The following SPEN variants were observed in gnomAD, a reference collection of about 807,000 sequenced individuals.
The protein encoded by SPEN is msx2-interacting protein.
A neutral mutation model predicts 269.9 loss-of-function variants in SPEN; 18 were observed. That is an observed-to-expected ratio of 0.07 (90% CI 0.05 to 0.10). The LOEUF is 0.10. Ranked by LOEUF, SPEN falls within the 10% of genes least tolerant of loss-of-function variation. The probability of loss-of-function intolerance (pLI) is 1.00; values close to 1 mark genes in which losing one functional copy is unlikely to be tolerated. For synonymous variants in SPEN, 1,726 were observed against 1,765.7 expected, an observed-to-expected ratio of 0.98 and a Z score of 0.56; for missense variants, 3,822 against 4,631.2, an observed-to-expected ratio of 0.83 and a Z score of 5.07.
intron 3 of SPEN, among the ~76,000 whole-genome samples, chr1:15,903,831 G>GAAC (rs1279022992): frequency 1.3e-5 from 2 of 152,128 alleles, no homozygotes; most frequent in African/African-American, 2.4e-5. Context: ...TATTGAACAT[G>GAAC]TAATATTGTT....
At chr1:15,915,435 G>A (rs1244182639) in intron 5 of SPEN, among the ~76,000 whole-genome samples, 1 of 152,194 alleles carries the variant, frequency 6.6e-6, no homozygotes, top group Non-Finnish European at 1.5e-5. Context: ...GCTCCAGTGA[G>A]CCATGATCCT....
Position 15,864,326 on chromosome 1 carries a change from G to A in SPEN, c.84-8490G>A, listed in dbSNP as rs184792731. 2.2e-3 allele frequency among the ~76,000 whole-genome samples: 329 copies of A among 152,156 alleles called. 1 individual carries two copies. The highest frequency in any genetic ancestry group is 3.8e-3 in the Non-Finnish European group (258 of 68,000). On this transcript the variant is annotated intron_variant, in intron 1 of 14. Coordinates refer to ENST00000375759, the MANE Select transcript of SPEN (RefSeq NM_015001.3). ...TGGGACTACAGGCGCTTGCCACCAC[G>A]CCTGGCTAAGTTTTGTACTTTTAGT...
rs752765121 is a variant in SPEN at position 15,932,464 on chromosome 1, C to T, written c.6224C>T (p.Ser2075Leu). 6.2e-7 allele frequency: 1 copy of T among 1,611,956 alleles called. No individual in the cohort carries two copies. Among genetic ancestry groups the T allele is most frequent in the Non-Finnish European group, 8.5e-7 (1 of 1,179,374 alleles). ...CCGGCCCCTGAAAAAAACTCCAAAT[C>T]AAAGAGAGGAAGATCTCGAAACTCC... ...KKPAPEKNSK[S>L]KRGRSRNSRL... The change falls in exon 11 of 15, where the codon TCA becomes TTA. Residue 2075 changes from serine (S) to leucine (L), a missense_variant. Ser to Leu is a moderately radical substitution (Grantham distance 145, BLOSUM62 -2). This residue lies in a region of SPEN where 727 missense variants were observed against 737.9 expected (regional missense o/e 0.99). Transcript: ENST00000375759. The surrounding 1 kb of genome is among the most constrained non-coding windows in gnomAD (Gnocchi z 4.2).
At position 15,929,355 on chromosome 1, in the gene SPEN, C is replaced by G. The variant is rs1388484359; in HGVS notation, c.3115C>G (p.Pro1039Ala). Reference protein sequence around the residue: ...LLREGEAERKPVRKEILKRES... With the variant: ...LLREGEAERKAVRKEILKRES... Reference sequence around the variant, plus strand: ...GAGGGAAGGAGAGGCTGAAAGAAAGCCTGTGAGGAAAGAAATTCTTAAAAG... The same window carrying G: ...GAGGGAAGGAGAGGCTGAAAGAAAGGCTGTGAGGAAAGAAATTCTTAAAAG... The change falls in exon 11 of 15, where the codon CCT (proline) becomes GCT (alanine). Residue 1039 changes from proline to alanine, a missense_variant. This residue lies in a region of SPEN where 572 missense variants were observed against 582.6 expected (regional missense o/e 0.98). Transcript: ENST00000375759. The surrounding 1 kb of genome is among the most constrained non-coding windows in gnomAD (Gnocchi z 5.8). 6.2e-7 allele frequency: 1 copy of G among 1,613,082 alleles called. No individual in the cohort carries two copies. Among genetic ancestry groups the G allele is most frequent in the Admixed American group, 1.7e-5 (1 of 59,780 alleles).
intron 3 of SPEN, among the ~76,000 whole-genome samples, chr1:15,889,164 C>CT (rs56721891): frequency 0.49 from 61,055 of 124,814 alleles, 15,231 homozygotes; most frequent in South Asian, 0.58. Context: ...CTTTTCTTTT[C>CT]TTTTTTTTTT....
intron 6 of SPEN, among the ~76,000 whole-genome samples, chr1:15,916,545 C>T (rs115941412): frequency 1.7e-4 from 22 of 130,328 alleles, no homozygotes; most frequent in African/African-American, 6.0e-4. Context: ...GAGTATCACT[C>T]TGTCTCCGAG....
chr1:15,875,531 A>G (rs999182033), intron 2 of SPEN, among the ~76,000 whole-genome samples: 3 of 152,084 alleles, frequency 2.0e-5, no homozygotes, highest in African/African-American at 7.2e-5. Flanking sequence ...TGGTAACCCA[A>G]TATTTTGATA....
intron 3 of SPEN, among the ~76,000 whole-genome samples, chr1:15,886,986 G>T (rs1392366187): frequency 6.6e-6 from 1 of 152,112 alleles, no homozygotes. Context: ...ATGATTGATT[G>T]GTTGATTTTT....
Position 15,935,432 on chromosome 1 carries a change from G to C in SPEN, c.9192G>C (p.Val3064=), listed in dbSNP as rs776112191. ...TCATGCTGGCTGCAGGCATCCCAGT[G>C]CCCCAGTTCATCTCCAGCATCCACC... ...ATVMLAAGIP[V]PQFISSIHPE... The change falls in exon 11 of 15, where the codon GTG becomes GTC. Residue 3064 remains valine (V), a synonymous_variant. Coordinates refer to ENST00000375759, the MANE Select transcript of SPEN (RefSeq NM_015001.3). This position sits in a 1 kb window ranked among gnomAD's most constrained non-coding sequence, Gnocchi z 7.7. 1.2e-6 allele frequency: 2 copies of C among 1,613,946 alleles called. No homozygotes were observed. Among genetic ancestry groups the C allele is most frequent in the Non-Finnish European group, 1.7e-6 (2 of 1,180,010 alleles).
intron 10 of SPEN, among the ~76,000 whole-genome samples, chr1:15,924,172 TG>T (rs1279884001): frequency 6.6e-6 from 1 of 152,206 alleles, no homozygotes; most frequent in African/African-American, 2.4e-5. Flanking sequence ...CGTAAAATTA[TG>T]TGGCCACATG....
intron 3 of SPEN, among the ~76,000 whole-genome samples, chr1:15,891,105 AAT>A (rs1459445652): frequency 1.3e-5 from 2 of 152,208 alleles, no homozygotes; most frequent in South Asian, 4.1e-4. Context: ...GTAGCCCAGA[AAT>A]ATATGTGTGT....
chr1:15,876,638 A>AGTG lies in SPEN; in HGVS notation c.842_844dup (p.Ser281_Asp282insGly). The AGTG allele has an allele frequency of 1.2e-6, 2 of 1,613,726 alleles. No homozygotes were observed. The highest frequency in any genetic ancestry group is 1.7e-6 in the Non-Finnish European group (2 of 1,179,984). ...CGGCTCTAGAAGTAGATCCTCCAGT[A>AGTG]GTGATTCAATCAGCAGCAGCAGTAG... is the stretch of plus-strand genomic sequence containing the variant. On this transcript the variant is annotated inframe_insertion, in exon 3 of 15. Coordinates refer to ENST00000375759, the MANE Select transcript of SPEN (RefSeq NM_015001.3).
intron 5 of SPEN, 112 bp from the exon 6 acceptor site, chr1:15,916,016 C>A (rs1019471271): frequency 3.9e-6 from 5 of 1,266,108 alleles, no homozygotes; most frequent in Non-Finnish European, 5.4e-6. Flanking sequence ...TGTGAGTATT[C>A]AAGCCCATTA....
Position 15,940,387 on chromosome 1 carries a change from G to A in SPEN, c.*960G>A, listed in dbSNP as rs981192718. On this transcript the variant is annotated 3_prime_UTR_variant, in exon 15 of 15. Coordinates refer to ENST00000375759, the MANE Select transcript of SPEN (RefSeq NM_015001.3). ...CTAACACTTATTAATTTATGAAACT[G>A]TTTTTCTCAGCGCAGTTTTGTTTTG... 1 of 232,436 alleles carries A rather than the reference G, an allele frequency of 4.3e-6. No individual in the cohort carries two copies. The highest frequency in any genetic ancestry group is 2.2e-5 in the African/African-American group (1 of 45,222). 14.4% of individuals were successfully genotyped at this position (232,436 alleles called of 1,614,324 possible).
chr1:15,932,418 G>T lies in SPEN; in HGVS notation c.6178G>T (p.Val2060Phe). Residue 2060 changes from valine to phenylalanine, a missense_variant, in exon 11 of 15, where the codon GTT becomes TTT. Physicochemically the swap from Val to Phe is conservative, Grantham distance 50. This residue lies in a region of SPEN where 727 missense variants were observed against 737.9 expected (regional missense o/e 0.99). Coordinates refer to ENST00000375759, the MANE Select transcript of SPEN (RefSeq NM_015001.3). The surrounding 1 kb of genome is among the most constrained non-coding windows in gnomAD (Gnocchi z 4.2). The stretch of plus-strand genomic sequence containing the variant: ...CAAAAACCCCCCTGAAACCGCCCCT[G>T]TTGAAGTTGTAGAGAAAAAACCGGC... ...TDKNPPETAP[V>F]EVVEKKPAPE... 1.2e-6 allele frequency: 2 copies of T among 1,614,060 alleles called. No individual in the cohort carries two copies. The highest frequency in any genetic ancestry group is 1.7e-6 in the Non-Finnish European group (2 of 1,180,008).
At chr1:15,873,494 T>C (rs2070601639) in intron 2 of SPEN, 1 of 1,012,148 alleles carries the variant, frequency 9.9e-7, no homozygotes, top group African/African-American at 1.7e-5. Context: ...TTGGCTTTTG[T>C]GTTCATACTA....
intron 3 of SPEN, among the ~76,000 whole-genome samples, chr1:15,907,657 C>T (rs1199731232): frequency 6.6e-6 from 1 of 152,012 alleles, no homozygotes; most frequent in East Asian, 1.9e-4. Flanking sequence ...AAATGATTTG[C>T]TTGAAAAGTG....
At chr1:15,868,438 CTT>C (rs35701730) in intron 1 of SPEN, among the ~76,000 whole-genome samples, 2 of 141,996 alleles carry the variant, frequency 1.4e-5, no homozygotes. Flanking sequence ...TAGAATAAAA[CTT>C]TTTTTTTTTT....
At position 15,876,336 on chromosome 1, in the gene SPEN, A is replaced by T. The variant is rs760907204; in HGVS notation, c.539A>T (p.His180Leu). ...GATCCTCGAGAGCGGACTTTACAAC[A>T]TGGGCTCTATTACGCTTCTCGGAGT... The part of the protein sequence containing the change: ...YRDPRERTLQ[H>L]GLYYASRSRS... The change falls in exon 3 of 15, where the codon CAT (histidine) becomes CTT (leucine). Residue 180 changes from histidine to leucine, a missense_variant. This residue lies in a region of SPEN where 327 missense variants were observed against 350.8 expected (regional missense o/e 0.93). Transcript: ENST00000375759. The T allele has an allele frequency of 6.2e-7, 1 of 1,614,028 alleles. No individual in the cohort carries two copies. The highest frequency in any genetic ancestry group is 1.7e-5 in the Admixed American group (1 of 60,004).
Sources: gnomAD v4.1 joint callset for allele counts (sites outside exome capture counted in the v4.1 genomes callset) on GRCh38, gnomAD v4.1.1 for gene constraint, gnomAD v4.1.1 regional missense constraint, Gnocchi (gnomAD v3.1) non-coding constraint, MANE v1.5 for transcripts, NCBI Gene and HGNC (gene_info 2026-07-23, HGNC 2026-07-21) for gene names.